Variants in ZFYVE28 observed in about 807,000 individuals in gnomAD.
ZFYVE28 encodes the protein lateral signaling target protein 2 homolog.
ZFYVE28 carries 40 observed loss-of-function variants against 82.1 expected under a neutral mutation model. The observed-to-expected ratio is 0.49, with a 90% CI of 0.38 to 0.63. The LOEUF (loss-of-function observed/expected upper bound fraction) is 0.63, where lower values mean the gene tolerates loss of function less well. Ranked by LOEUF, ZFYVE28 falls within the 30% of genes least tolerant of loss-of-function variation. ZFYVE28 has a pLI of 0.00. For missense variants in ZFYVE28, 1,321 were observed against 1,242.1 expected (o/e 1.06, Z -0.96); for synonymous variants, 612 against 546.1 (o/e 1.12, Z -1.68).
rs182945285 is a variant in ZFYVE28 at position 2,409,771 on chromosome 4, G to C, written c.39+8514C>G. Among the ~76,000 whole-genome samples the C allele has an allele frequency of 1.3e-5, 2 of 152,220 alleles. No homozygotes were observed. Among genetic ancestry groups the C allele is most frequent in the African/African-American group, 4.8e-5 (2 of 41,448 alleles). ...AAATTTGTCAGAACTACCCAACCAC[G>C]ATCAATCCCAGACACAGAACTCCTT... On this transcript the variant is annotated intron_variant, in intron 1 of 12. Transcript: ENST00000290974. This position sits in a 1 kb window ranked among gnomAD's most constrained non-coding sequence, Gnocchi z 4.4.
chr4:2,339,422 A>C lies in ZFYVE28; in HGVS notation c.521+31T>G, dbSNP rs756367110. ...GGCACAACCGTCCCCCAGCTCATAC[A>C]GCCAGGGCTGTGGACCCACAGCTGC... On this transcript the variant is annotated intron_variant, in intron 4 of 12. Coordinates refer to ENST00000290974, the MANE Select transcript of ZFYVE28 (RefSeq NM_020972.3). This position sits in a 1 kb window ranked among gnomAD's most constrained non-coding sequence, Gnocchi z 5.0. 6.2e-6 allele frequency: 10 copies of C among 1,607,628 alleles called. No homozygotes were observed. Among genetic ancestry groups the C allele is most frequent in the Non-Finnish European group, 7.6e-6 (9 of 1,177,014 alleles).
intron 1 of ZFYVE28, among the ~76,000 whole-genome samples, chr4:2,396,878 T>C (rs1730529319): frequency 6.6e-6 from 1 of 152,214 alleles, no homozygotes; most frequent in Admixed American, 6.5e-5. Flanking sequence ...TAACTCCGAC[T>C]GACACGGAGT....
chr4:2,351,833 G>C (rs1024571079), intron 2 of ZFYVE28, among the ~76,000 whole-genome samples: 1 of 152,184 alleles, frequency 6.6e-6, no homozygotes. Flanking sequence ...TTCTGGGGTT[G>C]GATTAATTTG....
Position 2,271,792 on chromosome 4 carries a change from G to A in ZFYVE28, c.2324-13C>T, listed in dbSNP as rs780565331. ...AGAGTCTGGGTGACTAGTGGAGAAG[G>A]GGGGCCGTCGGGGTATGGTGAGGGA... On this transcript the variant is annotated splice_polypyrimidine_tract_variant and intron_variant, in intron 10 of 12. Transcript: ENST00000290974. 3 of 1,611,336 alleles carry A rather than the reference G, an allele frequency of 1.9e-6. No individual in the cohort carries two copies. Among genetic ancestry groups the A allele is most frequent in the South Asian group, 1.1e-5 (1 of 91,038 alleles).
intron 1 of ZFYVE28, among the ~76,000 whole-genome samples, chr4:2,413,859 G>A (rs1052201846): frequency 3.9e-5 from 6 of 152,282 alleles, no homozygotes; most frequent in Middle Eastern, 3.4e-3. Flanking sequence ...GGCCCCACTC[G>A]TGCCAGGCCC....
At chr4:2,293,143 C>A (rs1713992669) in intron 8 of ZFYVE28, among the ~76,000 whole-genome samples, 1 of 151,388 alleles carries the variant, frequency 6.6e-6, no homozygotes, top group Admixed American at 6.6e-5. Context: ...TAGGAGAGAA[C>A]TCCTTTTTTA....
chr4:2,290,972 A>G (rs574333014), intron 8 of ZFYVE28, among the ~76,000 whole-genome samples: 1 of 152,230 alleles, frequency 6.6e-6, no homozygotes, highest in Non-Finnish European at 1.5e-5. Flanking sequence ...CTTCGTAATT[A>G]CATAAGCAAT....
At position 2,304,556 on chromosome 4, in the gene ZFYVE28, T is replaced by A. The variant is rs1262987154; in HGVS notation, c.1784A>T (p.Tyr595Phe). 6.2e-7 allele frequency: 1 copy of A among 1,612,662 alleles called. No homozygotes were observed. Among genetic ancestry groups the A allele is most frequent in the Non-Finnish European group, 8.5e-7 (1 of 1,179,942 alleles). ...GCTGGCCTTGGCTAAGCCGGCAGCG[T>A]ACGAGGCACCAATGACGCCTCCCGG... ...CSPGGVIGAS[Y>F]AAGLAKASDR... is the part of the protein sequence containing the mutation. The change falls in exon 8 of 13, where the codon TAC (tyrosine) becomes TTC (phenylalanine). Residue 595 changes from tyrosine to phenylalanine, a missense_variant. Around this residue, in one of 2 missense-constraint regions of ZFYVE28, gnomAD observed 978 missense variants for 833.7 expected, o/e 1.17. Transcript: ENST00000290974.
At chr4:2,405,301 A>G (rs984689257) in intron 1 of ZFYVE28, among the ~76,000 whole-genome samples, 7 of 152,356 alleles carry the variant, frequency 4.6e-5, no homozygotes, top group African/African-American at 7.2e-5. Context: ...CTCTCCCCAC[A>G]GTGAGCTTTG....
At chr4:2,301,481 C>G (rs1279147985) in intron 8 of ZFYVE28, among the ~76,000 whole-genome samples, 1 of 150,450 alleles carries the variant, frequency 6.6e-6, no homozygotes. Context: ...GATGACACCA[C>G]CACCTGGGCT....
chr4:2,342,977 T>C (rs755336515), intron 2 of ZFYVE28: 2 of 152,242 alleles, frequency 1.3e-5, no homozygotes, highest in African/African-American at 4.8e-5. Context: ...AATACTGCCT[T>C]CTGCTGTTGT....
chr4:2,277,026 G>A lies in ZFYVE28; in HGVS notation c.2052-2810C>T, dbSNP rs1736525890. Among the ~76,000 whole-genome samples, 3 of 152,192 alleles carry A rather than the reference G, an allele frequency of 2.0e-5. 1 individual carries two copies. The South Asian group carries it at 6.2e-4, about 32-fold the overall frequency. ...AAAGAATTGGGGCAGGGAGAGAGCA[G>A]AGGCAAGGGAACGGAGGCGGCAAGT... is the stretch of plus-strand genomic sequence containing the variant. On this transcript the variant is annotated intron_variant, in intron 8 of 12. Transcript: ENST00000290974.
intron 6 of ZFYVE28, among the ~76,000 whole-genome samples, chr4:2,334,756 CCTTCCCCCTCCCCACTTCCGCCTCCCCT>C (rs1721334610): frequency 2.6e-5 from 1 of 38,012 alleles, no homozygotes; most frequent in Non-Finnish European, 5.0e-5. Flanking sequence ...TTCCCCCTCC[CCTTCCCCCTCCCCACTTCCGCCTCCCCT>C]CTTCCCCCTC....
intron 1 of ZFYVE28, among the ~76,000 whole-genome samples, chr4:2,405,157 G>A (rs1324159951): frequency 6.6e-6 from 1 of 152,216 alleles, no homozygotes; most frequent in Non-Finnish European, 1.5e-5. Context: ...GTGAGCCCCA[G>A]ATACCCCCAG....
At chr4:2,400,051 C>T (rs57905194) in intron 1 of ZFYVE28, among the ~76,000 whole-genome samples, 2 of 152,232 alleles carry the variant, frequency 1.3e-5, no homozygotes, top group Non-Finnish European at 2.9e-5. Context: ...GCTGCCTCTC[C>T]ACATGGAGGG....
At position 2,300,869 on chromosome 4, in the gene ZFYVE28, G is replaced by A. The variant is rs1232888000; in HGVS notation, c.2051+3420C>T. On this transcript the variant is annotated intron_variant, in intron 8 of 12. Transcript: ENST00000290974. This position sits in a 1 kb window ranked among gnomAD's most constrained non-coding sequence, Gnocchi z 4.6. The stretch of plus-strand genomic sequence containing the variant: ...GGGGCTGCAGGGGCGTCTGCCGGGC[G>A]AGCGGGTCTCACGGCCAAACAGGCC... Among the ~76,000 whole-genome samples the A allele has an allele frequency of 6.6e-6, 1 of 152,200 alleles. No homozygotes were observed. Among genetic ancestry groups the A allele is most frequent in the African/African-American group, 2.4e-5 (1 of 41,442 alleles).
chr4:2,383,460 G>A (rs28629776), intron 1 of ZFYVE28, among the ~76,000 whole-genome samples: 27,979 of 152,080 alleles, frequency 0.18, 3,083 homozygotes, highest in African/African-American at 0.31. Flanking sequence ...GGAACTACAA[G>A]TCTAATTAAA....
At chr4:2,302,202 T>C (rs187350311) in intron 8 of ZFYVE28, among the ~76,000 whole-genome samples, 16 of 152,314 alleles carry the variant, frequency 1.1e-4, no homozygotes, top group African/African-American at 3.1e-4. Context: ...TTTTTGAAAA[T>C]TGAAGAATAT....
intron 1 of ZFYVE28, among the ~76,000 whole-genome samples, chr4:2,395,213 A>G (rs576657547): frequency 1.8e-5 from 1 of 56,862 alleles, no homozygotes. Flanking sequence ...TGCAGAGCAG[A>G]CAGTGAGGGC....
Sources: allele counts gnomAD v4.1 joint callset (sites outside exome capture counted in the v4.1 genomes callset), GRCh38; gene constraint gnomAD v4.1.1; regional missense constraint gnomAD v4.1.1; non-coding constraint Gnocchi (gnomAD v3.1); transcripts MANE v1.5; gene names NCBI Gene and HGNC (gene_info 2026-07-23, HGNC 2026-07-21).